SLC22A23: variants seen among roughly 807,000 people sequenced by gnomAD.
SLC22A23 encodes ion transporter protein.
In SLC22A23, 26 loss-of-function variants were observed where a neutral mutation model predicts 61.0. The ratio of observed to expected loss-of-function variants is 0.43; its 90% confidence interval spans 0.31 to 0.59. The LOEUF (loss-of-function observed/expected upper bound fraction) is 0.59. Among genes scored for constraint, SLC22A23 ranks in the 20% least tolerant of loss-of-function variants. The pLI, the probability that SLC22A23 is intolerant of heterozygous loss-of-function variation, is 0.11. For synonymous variants in SLC22A23, 430 were observed against 413.9 expected, an observed-to-expected ratio of 1.04 and a Z score of -0.47; for missense variants, 796 against 934.7, an observed-to-expected ratio of 0.85 and a Z score of 1.94.
At chr6:3,449,509 G>GA (rs1391068625) in intron 1 of SLC22A23, among the ~76,000 whole-genome samples, 3 of 152,078 alleles carry the variant, frequency 2.0e-5, no homozygotes, top group Non-Finnish European at 2.9e-5. Flanking sequence ...AAAGGCAAAG[G>GA]AAATGAAGAG....
chr6:3,442,658 G>A (rs993297691), intron 1 of SLC22A23, among the ~76,000 whole-genome samples: 1 of 152,042 alleles, frequency 6.6e-6, no homozygotes, highest in Non-Finnish European at 1.5e-5. Flanking sequence ...TACATAACCC[G>A]TCCATAATAC....
rs1470857395 is a variant in SLC22A23, at chr6:3,342,545, C to T, written c.914-18543G>A. Among the ~76,000 whole-genome samples, 3 of 152,234 alleles carry T rather than the reference C, an allele frequency of 2.0e-5. No homozygotes were observed. Among genetic ancestry groups the T allele is most frequent in the South Asian group, 4.2e-4 (2 of 4,816 alleles). ...CTCCTTGACCCACAGCATCAGAGTC[C>T]CCCGGGGCCCTGAGCCCAGATTCCC... On this transcript the variant is annotated intron_variant, in intron 3 of 9. Transcript: ENST00000406686. The surrounding 1 kb of genome is among the most constrained non-coding windows in gnomAD (Gnocchi z 4.0).
chr6:3,339,345 T>C (rs1764027907), intron 3 of SLC22A23, among the ~76,000 whole-genome samples: 1 of 152,184 alleles, frequency 6.6e-6, no homozygotes. Flanking sequence ...TTGTTTTCTG[T>C]TCATTCCCCA....
chr6:3,296,730 AC>A (rs1169839424), intron 5 of SLC22A23, among the ~76,000 whole-genome samples: 1 of 152,064 alleles, frequency 6.6e-6, no homozygotes, highest in Non-Finnish European at 1.5e-5. Flanking sequence ...CCCACCCAGC[AC>A]GTGGTCCAGC....
chr6:3,365,431 T>C (rs1275693079), intron 3 of SLC22A23, among the ~76,000 whole-genome samples: 1 of 152,172 alleles, frequency 6.6e-6, no homozygotes, highest in African/African-American at 2.4e-5. Context: ...TGAAGCTGCT[T>C]TGACACAGAA....
chr6:3,425,290 T>C (rs1770415993), intron 1 of SLC22A23, among the ~76,000 whole-genome samples: 1 of 143,398 alleles, frequency 7.0e-6, no homozygotes, highest in Non-Finnish European at 1.5e-5. Context: ...TAATTCTTTT[T>C]TTTTTTTTTT....
intron 3 of SLC22A23, among the ~76,000 whole-genome samples, chr6:3,350,458 C>G (rs530767376): frequency 2.3e-4 from 35 of 152,184 alleles, no homozygotes; most frequent in Non-Finnish European, 5.1e-4. Flanking sequence ...ATTTTAGTGT[C>G]GACAAATGCG....
chr6:3,334,763 GA>G (rs1444382710), intron 3 of SLC22A23, among the ~76,000 whole-genome samples: 1 of 152,180 alleles, frequency 6.6e-6, no homozygotes, highest in Admixed American at 6.5e-5. Flanking sequence ...AATTCAATTA[GA>G]AAACAAAACA....
At chr6:3,413,013 A>T (rs2127518185) in intron 2 of SLC22A23, among the ~76,000 whole-genome samples, 1 of 152,316 alleles carries the variant, frequency 6.6e-6, no homozygotes, top group African/African-American at 2.4e-5. Flanking sequence ...AAGATCATTC[A>T]TGTGGGCTTT....
chr6:3,295,598 G>A (rs1237498794), intron 5 of SLC22A23, among the ~76,000 whole-genome samples: 1 of 152,228 alleles, frequency 6.6e-6, no homozygotes, highest in African/African-American at 2.4e-5. Flanking sequence ...TGACAGACAC[G>A]AGGCTCGGAG....
At chr6:3,434,563 C>T (rs957977703) in intron 1 of SLC22A23, among the ~76,000 whole-genome samples, 2 of 151,780 alleles carry the variant, frequency 1.3e-5, no homozygotes, top group African/African-American at 4.8e-5. Context: ...AAGCAGAGAT[C>T]GCGCCACTGC....
intron 1 of SLC22A23, among the ~76,000 whole-genome samples, chr6:3,418,963 TCTC>T (rs1769932655): frequency 6.6e-6 from 1 of 152,060 alleles, no homozygotes; most frequent in Non-Finnish European, 1.5e-5. Flanking sequence ...CACAGTATAA[TCTC>T]CTAAAGAATT....
intron 4 of SLC22A23, among the ~76,000 whole-genome samples, chr6:3,321,603 C>T (rs1160052179): frequency 6.6e-6 from 1 of 152,116 alleles, no homozygotes; most frequent in East Asian, 1.9e-4. Context: ...AAACAAAAAC[C>T]CGGCCCTTCT....
chr6:3,395,875 C>T (rs1767971648), intron 3 of SLC22A23, among the ~76,000 whole-genome samples: 1 of 152,192 alleles, frequency 6.6e-6, no homozygotes, highest in South Asian at 2.1e-4. Flanking sequence ...TCACATGGAA[C>T]TCCTGGATTG....
chr6:3,357,570 A>G (rs1042215403), intron 3 of SLC22A23, among the ~76,000 whole-genome samples: 16 of 152,304 alleles, frequency 1.1e-4, no homozygotes, highest in African/African-American at 3.6e-4. Flanking sequence ...AAAAATTTAG[A>G]ATTTCCCTTT....
intron 8 of SLC22A23, chr6:3,284,837 C>A (rs940578341): frequency 5.0e-6 from 7 of 1,411,936 alleles, no homozygotes; most frequent in Non-Finnish European, 6.8e-6. Context: ...GGGGAAGGGG[C>A]GGGGGCATGC....
chr6:3,423,079 C>T (rs1219718098), intron 1 of SLC22A23, among the ~76,000 whole-genome samples: 1 of 151,716 alleles, frequency 6.6e-6, no homozygotes, highest in African/African-American at 2.4e-5. Flanking sequence ...CTCTACTGTC[C>T]GCTCCTCTTC....
In SLC22A23 at chr6:3,273,114, C is replaced by G; in HGVS notation, c.2002G>C (p.Ala668Pro). The G allele has an allele frequency of 6.2e-7, 1 of 1,602,138 alleles. No homozygotes were observed. The highest frequency in any genetic ancestry group is 8.5e-7 in the Non-Finnish European group (1 of 1,176,068). The change falls in exon 10 of 10, where the codon GCA becomes CCA. Residue 668 changes from alanine (A) to proline (P), a missense_variant. Coordinates refer to ENST00000406686, the MANE Select transcript of SLC22A23 (RefSeq NM_015482.2). ...LKDYSGLHDAAAAGDTLPEGA... is the reference protein window; with the variant it reads ...LKDYSGLHDAPAAGDTLPEGA... ...TCGGGCAGTGTGTCACCCGCGGCTGCGGCATCGTGGAGGCCCGAGTAGTCC... is the reference window on the plus strand; with the variant it reads ...TCGGGCAGTGTGTCACCCGCGGCTGGGGCATCGTGGAGGCCCGAGTAGTCC...
chr6:3,275,788 T>C (rs994168529), intron 9 of SLC22A23, among the ~76,000 whole-genome samples: 11 of 152,260 alleles, frequency 7.2e-5, no homozygotes, highest in Non-Finnish European at 1.6e-4. Context: ...TTCGCTGTGT[T>C]AGCCAGGGTG....
Sources: gnomAD v4.1 joint callset for allele counts (sites outside exome capture counted in the v4.1 genomes callset) on GRCh38, gnomAD v4.1.1 for gene constraint, Gnocchi (gnomAD v3.1) non-coding constraint, MANE v1.5 for transcripts, NCBI Gene and HGNC (gene_info 2026-07-23, HGNC 2026-07-21) for gene names.